Variants in PLCB1 observed in about 807,000 individuals in gnomAD.
PLCB1 encodes the protein 1-phosphatidylinositol 4,5-bisphosphate phosphodiesterase beta-1.
A neutral mutation model predicts 161.8 loss-of-function variants in PLCB1; 46 were observed. The ratio of observed to expected loss-of-function variants is 0.28; its 90% CI spans 0.22 to 0.36. The LOEUF is 0.36. Ranked by LOEUF, PLCB1 falls within the 10% of genes least tolerant of loss-of-function variation. The pLI, the probability that PLCB1 is intolerant of heterozygous loss-of-function variation, is 1.00. For missense variants in PLCB1, 1,016 were observed against 1,472.5 expected, an observed-to-expected ratio of 0.69 and a Z score of 5.07; for synonymous variants, 517 against 503.7, an observed-to-expected ratio of 1.03 and a Z score of -0.35.
chr20:8,413,914 A>G (rs906076974), intron 3 of PLCB1, among the ~76,000 whole-genome samples: 3 of 152,198 alleles, frequency 2.0e-5, no homozygotes, highest in Non-Finnish European at 2.9e-5. Flanking sequence ...ATTTCAATCA[A>G]GCAATTCATG....
At chr20:8,619,688 C>A (rs1343600628) in intron 3 of PLCB1, among the ~76,000 whole-genome samples, 1 of 151,946 alleles carries the variant, frequency 6.6e-6, no homozygotes, top group African/African-American at 2.4e-5. Context: ...AATGGAAGAA[C>A]CAGGAACTGA....
At chr20:8,677,908 CAATT>C (rs1990126280) in intron 9 of PLCB1, among the ~76,000 whole-genome samples, 1 of 152,102 alleles carries the variant, frequency 6.6e-6, no homozygotes, top group Middle Eastern at 3.4e-3. Context: ...AAAAAATTAA[CAATT>C]AAAGGGGAAG....
intron 24 of PLCB1, among the ~76,000 whole-genome samples, chr20:8,759,821 T>C (rs182190958): frequency 2.0e-5 from 3 of 152,114 alleles, no homozygotes; most frequent in East Asian, 3.9e-4. Flanking sequence ...GGCGATAGCA[T>C]TGCCTAAACT....
chr20:8,453,286 C>T (rs1981156343), intron 3 of PLCB1, among the ~76,000 whole-genome samples: 2 of 152,204 alleles, frequency 1.3e-5, no homozygotes, highest in African/African-American at 4.8e-5. Flanking sequence ...CCTGCAGCCA[C>T]CTCACAGAAC....
At chr20:8,624,489 T>C (rs191009765) in intron 3 of PLCB1, among the ~76,000 whole-genome samples, 7 of 152,342 alleles carry the variant, frequency 4.6e-5, no homozygotes, top group Non-Finnish European at 1.0e-4. Context: ...TAAAAAGTGG[T>C]ATTAAAAAGT....
At chr20:8,142,838 G>T (rs60630287) in intron 1 of PLCB1, among the ~76,000 whole-genome samples, 1 of 152,134 alleles carries the variant, frequency 6.6e-6, no homozygotes, top group African/African-American at 2.4e-5. Context: ...AGAGGCAATG[G>T]AAGTCCCTGG....
At chr20:8,840,562 C>G (rs540274852) in intron 31 of PLCB1, among the ~76,000 whole-genome samples, 1 of 152,164 alleles carries the variant, frequency 6.6e-6, no homozygotes, top group Non-Finnish European at 1.5e-5. Flanking sequence ...GGTCTCAGAA[C>G]AAGCTGTGGA....
intron 31 of PLCB1, among the ~76,000 whole-genome samples, chr20:8,800,337 A>T (rs926846830): frequency 6.6e-5 from 10 of 152,358 alleles, no homozygotes; most frequent in African/African-American, 2.4e-4. Flanking sequence ...ATCAACAGAC[A>T]CAAGTGTTCT....
At chr20:8,529,513 T>G (rs888717123) in intron 3 of PLCB1, among the ~76,000 whole-genome samples, 1 of 152,092 alleles carries the variant, frequency 6.6e-6, no homozygotes, top group Non-Finnish European at 1.5e-5. Flanking sequence ...TGCCTTTTAT[T>G]GACATTCAAC....
chr20:8,272,436 G>A (rs1982331507), intron 2 of PLCB1, among the ~76,000 whole-genome samples: 1 of 152,052 alleles, frequency 6.6e-6, no homozygotes, highest in Admixed American at 6.6e-5. Context: ...CCAGTATACA[G>A]GAGGGGCAAT....
At chr20:8,740,135 G>A (rs905641644) in intron 21 of PLCB1, among the ~76,000 whole-genome samples, 1 of 152,172 alleles carries the variant, frequency 6.6e-6, no homozygotes, top group African/African-American at 2.4e-5. Context: ...AAATCATACG[G>A]TTGGAAAGGA....
intron 2 of PLCB1, among the ~76,000 whole-genome samples, chr20:8,173,769 T>A (rs1468206380): frequency 6.6e-6 from 1 of 151,918 alleles, no homozygotes; most frequent in Non-Finnish European, 1.5e-5. Context: ...AGTGCAAAAA[T>A]AGAAAACTTC....
chr20:8,387,941 GTAAATTATA>G (rs1185745809), intron 3 of PLCB1, among the ~76,000 whole-genome samples: 6 of 144,776 alleles, frequency 4.1e-5, no homozygotes, highest in Admixed American at 1.4e-4. Context: ...CTTAAAAATG[GTAAATTATA>G]TATTATGTAT....
chr20:8,148,380 A>C (rs1261527425), intron 1 of PLCB1, among the ~76,000 whole-genome samples: 1 of 152,198 alleles, frequency 6.6e-6, no homozygotes, highest in Non-Finnish European at 1.5e-5. Flanking sequence ...TTTAGAAGTA[A>C]TTGGGAAATT....
intron 3 of PLCB1, among the ~76,000 whole-genome samples, chr20:8,580,665 A>G (rs1421684938): frequency 2.0e-5 from 3 of 152,254 alleles, no homozygotes; most frequent in African/African-American, 7.2e-5. Context: ...GCTAGGCACT[A>G]TGATAGGTGC....
At chr20:8,228,715 C>T (rs1032314964) in intron 2 of PLCB1, among the ~76,000 whole-genome samples, 3 of 148,786 alleles carry the variant, frequency 2.0e-5, no homozygotes, top group Non-Finnish European at 4.5e-5. Flanking sequence ...TTTGTAGAGA[C>T]AAGGTTCATG....
chr20:8,736,914 T>G lies in PLCB1; in HGVS notation c.2044-114T>G, dbSNP rs1489472808. ...TACTCTTGCTTCTATTCCATTTTGC[T>G]TATAATTCAACATTTGCTGAAGAGC... On this transcript the variant is annotated intron_variant, in intron 19 of 31. Coordinates refer to ENST00000338037, the MANE Select transcript of PLCB1 (RefSeq NM_015192.4). 3 of 752,498 alleles carry G rather than the reference T, an allele frequency of 4.0e-6. No homozygotes were observed. In the East Asian group the frequency reaches 7.7e-5, roughly 19 times the overall value. 46.6% of individuals were successfully genotyped at this position (752,498 alleles called of 1,614,324 possible).
intron 31 of PLCB1, among the ~76,000 whole-genome samples, chr20:8,797,819 T>G (rs553598391): frequency 6.6e-6 from 1 of 152,326 alleles, no homozygotes; most frequent in East Asian, 1.9e-4. Flanking sequence ...GCAGCTTCCT[T>G]GCTTATTACC....
At chr20:8,190,151 G>T (rs942061804) in intron 2 of PLCB1, among the ~76,000 whole-genome samples, 22 of 152,028 alleles carry the variant, frequency 1.4e-4, no homozygotes, top group African/African-American at 4.6e-4. Flanking sequence ...AAATTCAATG[G>T]CAGATGACAG....
Sources: gnomAD v4.1 joint callset for allele counts (sites outside exome capture counted in the v4.1 genomes callset) on GRCh38, gnomAD v4.1.1 for gene constraint, MANE v1.5 for transcripts, NCBI Gene and HGNC (gene_info 2026-07-23, HGNC 2026-07-21) for gene names.